The following WDR33 variants were observed in gnomAD, a reference collection of about 807,000 sequenced individuals.
WDR33 encodes pre-mRNA 3' end processing protein WDR33.
A neutral mutation model predicts 164.9 loss-of-function variants in WDR33; 47 were observed. The ratio of observed to expected loss-of-function variants is 0.29; its 90% CI spans 0.23 to 0.36. The LOEUF is 0.36. Ranked by LOEUF, WDR33 falls within the 10% of genes least tolerant of loss-of-function variation. The pLI is 1.00. For missense variants in WDR33, 1,137 were observed against 1,754.1 expected (o/e 0.65, Z 6.28); for synonymous variants, 505 against 589.0 (o/e 0.86, Z 2.06).
rs200483281 is a variant in WDR33 at position 127,732,909 on chromosome 2, AT to A, written c.725-6133del. Reference sequence around the variant, plus strand: ...AGCCTAAAGAATGCCTCTATACTAAATTTGATCATTTCATTTCTGAGGTACA... The same window carrying A: ...AGCCTAAAGAATGCCTCTATACTAAATTGATCATTTCATTTCTGAGGTACA... On this transcript the variant is annotated intron_variant, in intron 7 of 21. Transcript: ENST00000322313. 1.7e-4 allele frequency among the ~76,000 whole-genome samples: 26 copies of A among 152,332 alleles called. No homozygotes were observed. In the East Asian group the frequency reaches 4.4e-3, roughly 26 times the overall value.
intron 7 of WDR33, among the ~76,000 whole-genome samples, chr2:127,748,884 TAAAAA>T (rs59425653): frequency 9.5e-6 from 1 of 105,022 alleles, no homozygotes. Flanking sequence ...AGCTGAAACT[TAAAAA>T]AAAAAAAAAA....
chr2:127,771,942 G>A (rs571555980), intron 1 of WDR33, among the ~76,000 whole-genome samples: 34 of 152,258 alleles, frequency 2.2e-4, no homozygotes, highest in African/African-American at 6.3e-4. Flanking sequence ...GGATGGGTAC[G>A]TGTTTATGCT....
rs933806708 is a variant in WDR33 at position 127,702,965 on chromosome 2, A to T, written c.*3358T>A. 1 of 167,066 alleles carries T rather than the reference A, an allele frequency of 6.0e-6. No individual in the cohort carries two copies. Among genetic ancestry groups the T allele is most frequent in the Non-Finnish European group, 1.5e-5 (1 of 68,116 alleles). The allele number at this position is 167,066 out of a possible 1,614,324, so 10.3% of individuals were successfully genotyped here. On this transcript the variant is annotated 3_prime_UTR_variant, in exon 22 of 22. Coordinates refer to ENST00000322313, the MANE Select transcript of WDR33 (RefSeq NM_018383.5). Reference sequence around the variant, plus strand: ...AAACCATGGATTTCTACAAGCTCGAATTATTCCTCATTGTATAGCCTGCTT... The same window carrying T: ...AAACCATGGATTTCTACAAGCTCGATTTATTCCTCATTGTATAGCCTGCTT...
intron 7 of WDR33, among the ~76,000 whole-genome samples, chr2:127,750,677 A>AAAAAAAAAAT: frequency 2.8e-5 from 1 of 35,794 alleles, no homozygotes; most frequent in Admixed American, 4.6e-4. Flanking sequence ...AAAAAAAAAA[A>AAAAAAAAAAT]ATATATATAT....
chr2:127,797,949 G>A lies in WDR33; in HGVS notation c.-24+13063C>T, dbSNP rs544722640. 3.9e-5 allele frequency among the ~76,000 whole-genome samples: 6 copies of A among 152,220 alleles called. No homozygotes were observed. In the South Asian group the frequency reaches 1.2e-3, roughly 32 times the overall value. ...GGACTGCTTGAGCCCAGGAAGTCGA[G>A]GTTCCAGTAAGCCAAGATGACACCA... is the stretch of plus-strand genomic sequence containing the variant. On this transcript the variant is annotated intron_variant, in intron 1 of 21. Transcript: ENST00000322313.
intron 1 of WDR33, among the ~76,000 whole-genome samples, chr2:127,787,895 A>T (rs1573461680): frequency 2.1e-5 from 1 of 46,680 alleles, no homozygotes; most frequent in Non-Finnish European, 3.8e-5. Flanking sequence ...CGGGGGGCTG[A>T]CACCCCCACC....
chr2:127,750,731 T>TGTATGTATAC (rs1255286516), intron 7 of WDR33, among the ~76,000 whole-genome samples: 7 of 59,148 alleles, frequency 1.2e-4, no homozygotes, highest in African/African-American at 7.7e-4. Context: ...TGCATACATA[T>TGTATGTATAC]ATATGTATGC....
At chr2:127,758,780 A>G (rs968934523) in intron 7 of WDR33, among the ~76,000 whole-genome samples, 1 of 152,188 alleles carries the variant, frequency 6.6e-6, no homozygotes, top group African/African-American at 2.4e-5. Context: ...CTACACTTCT[A>G]GCACTCACAC....
rs1465842529 is a variant in WDR33, at chr2:127,717,240, T to TG, written c.2783dup (p.Pro929ThrfsTer30). 2 of 1,602,108 alleles carry TG rather than the reference T, an allele frequency of 1.2e-6. No homozygotes were observed. Among genetic ancestry groups the TG allele is most frequent in the Non-Finnish European group, 1.7e-6 (2 of 1,174,942 alleles). ...GCTGCCCTAGGCCTGGTATCAGGGG[T>TG]GGGGGGCCTGTGCTCTGTCCTTCCT... On this transcript the variant is annotated frameshift_variant, in exon 17 of 22. Coordinates refer to ENST00000322313, the MANE Select transcript of WDR33 (RefSeq NM_018383.5). LOFTEE classifies it high-confidence loss of function. This position sits in a 1 kb window ranked among gnomAD's most constrained non-coding sequence, Gnocchi z 5.6.
In WDR33 at chr2:127,713,732, C is replaced by T. The variant is rs781779247; in HGVS notation, c.3159G>A (p.Pro1053=). 3.8e-5 allele frequency: 62 copies of T among 1,614,094 alleles called. No individual in the cohort carries two copies. Among genetic ancestry groups the T allele is most frequent in the Middle Eastern group, 3.3e-4 (2 of 6,084 alleles). ...EKWRRGGPGP[P]FPPDHREFSE... ...TGAATTCCCTGTGATCAGGGGGAAA[C>T]GGAGGCCCAGGGCCCCCTCGCCTCC... The change falls in exon 18 of 22, where the codon CCG becomes CCA. Residue 1053 remains proline (P), a synonymous_variant. Transcript: ENST00000322313. This position sits in a 1 kb window ranked among gnomAD's most constrained non-coding sequence, Gnocchi z 6.2.
chr2:127,777,042 AAG>A (rs1688208208), intron 1 of WDR33, among the ~76,000 whole-genome samples: 1 of 152,256 alleles, frequency 6.6e-6, no homozygotes, highest in South Asian at 2.1e-4. Flanking sequence ...AGGAGAGACA[AAG>A]AGTTTGGGAA....
In WDR33 at chr2:127,770,278, A is replaced by T. The variant is rs765658857; in HGVS notation, c.204+500T>A. ...ATGATACAGGCACAGAATTTTATAA[A>T]GTATTAGTGGTTTGAGGTTCTTCCT... On this transcript the variant is annotated intron_variant, in intron 2 of 21. Transcript: ENST00000322313. This position sits in a 1 kb window ranked among gnomAD's most constrained non-coding sequence, Gnocchi z 4.9. 7.2e-5 allele frequency among the ~76,000 whole-genome samples: 11 copies of T among 152,262 alleles called. No individual in the cohort carries two copies. Among genetic ancestry groups the T allele is most frequent in the Non-Finnish European group, 1.5e-4 (10 of 68,056 alleles).
intron 1 of WDR33, among the ~76,000 whole-genome samples, chr2:127,789,955 C>T (rs927346194): frequency 6.6e-6 from 1 of 152,116 alleles, no homozygotes; most frequent in African/African-American, 2.4e-5. Context: ...TTCACCTCAG[C>T]CTCCAGAATA....
At position 127,723,486 on chromosome 2, in the gene WDR33, C is replaced by T; in HGVS notation, c.1197-139G>A. 1.5e-6 allele frequency: 1 copy of T among 662,432 alleles called. No homozygotes were observed. The highest frequency in any genetic ancestry group is 2.9e-5 in the Admixed American group (1 of 35,050). The allele number at this position is 662,432 out of a possible 1,614,324, so 41.0% of individuals were successfully genotyped here. On this transcript the variant is annotated intron_variant, in intron 11 of 21. Coordinates refer to ENST00000322313, the MANE Select transcript of WDR33 (RefSeq NM_018383.5). This position sits in a 1 kb window ranked among gnomAD's most constrained non-coding sequence, Gnocchi z 5.9. ...TACAAATTTAAAATGTGAGGTCATA[C>T]ACTTTGGCTCACATCTGTAATCCCA... is the stretch of plus-strand genomic sequence containing the variant.
intron 18 of WDR33, among the ~76,000 whole-genome samples, chr2:127,711,766 A>ATTTTTTTTT (rs1309830917): frequency 1.9e-4 from 14 of 72,598 alleles, no homozygotes; most frequent in African/African-American, 1.1e-3. Context: ...ATATATATAT[A>ATTTTTTTTT]TATATATATA....
chr2:127,771,193 A>T (rs1436481474), intron 1 of WDR33, among the ~76,000 whole-genome samples, 189 bp from the exon 2 acceptor site: 1 of 152,192 alleles, frequency 6.6e-6, no homozygotes, highest in African/African-American at 2.4e-5. Context: ...ATCCTTAGGC[A>T]ATTTCATCAC....
Position 127,706,507 on chromosome 2 carries a change from C to T in WDR33, c.3827G>A (p.Arg1276His), listed in dbSNP as rs779282664. 9.9e-6 allele frequency: 16 copies of T among 1,613,218 alleles called. No homozygotes were observed. Among genetic ancestry groups the T allele is most frequent in the African/African-American group, 5.3e-5 (4 of 74,888 alleles). The change falls in exon 22 of 22, where the codon CGT becomes CAT. Residue 1276 changes from arginine (R) to histidine (H), a missense_variant. Coordinates refer to ENST00000322313, the MANE Select transcript of WDR33 (RefSeq NM_018383.5). This position sits in a 1 kb window ranked among gnomAD's most constrained non-coding sequence, Gnocchi z 5.1. ...GPAQRVPKSGRSSSLDGEHHD... is the reference protein window; with the variant it reads ...GPAQRVPKSGHSSSLDGEHHD... The stretch of plus-strand genomic sequence containing the variant: ...GTGCTCTCCGTCTAAGGAGCTGGAA[C>T]GCCCAGATTTGGGCACTCTCTGAGC...
intron 1 of WDR33, among the ~76,000 whole-genome samples, chr2:127,773,982 C>T (rs552442711): frequency 6.6e-6 from 1 of 151,560 alleles, no homozygotes; most frequent in Non-Finnish European, 1.5e-5. Flanking sequence ...CCCAAGCAGT[C>T]CACCTGCTTG....
intron 7 of WDR33, among the ~76,000 whole-genome samples, chr2:127,733,927 G>A (rs1255284869): frequency 2.0e-5 from 3 of 152,180 alleles, no homozygotes; most frequent in Non-Finnish European, 4.4e-5. Context: ...GAAAGGGTTA[G>A]GGCAGTGGTG....
Sources: allele counts gnomAD v4.1 joint callset (sites outside exome capture counted in the v4.1 genomes callset), GRCh38; gene constraint gnomAD v4.1.1; non-coding constraint Gnocchi (gnomAD v3.1); transcripts MANE v1.5; gene names NCBI Gene and HGNC (gene_info 2026-07-23, HGNC 2026-07-21).